NMNAT3: variants seen among roughly 807,000 people sequenced by gnomAD.
The protein encoded by NMNAT3 is nicotinamide/nicotinic acid mononucleotide adenylyltransferase 3.
In NMNAT3, 21 loss-of-function variants were observed where a neutral mutation model predicts 24.8. That is an observed-to-expected ratio of 0.85 (90% CI 0.60 to 1.22). NMNAT3 has a LOEUF of 1.22. NMNAT3 is among the 50% of genes most tolerant of loss of function. The pLI, the probability that NMNAT3 is intolerant of heterozygous loss-of-function variation, is 0.00. For synonymous variants in NMNAT3, 136 were observed against 155.2 expected, an observed-to-expected ratio of 0.88 and a Z score of 0.92; for missense variants, 387 against 436.6, an observed-to-expected ratio of 0.89 and a Z score of 1.01.
At chr3:139,596,607 A>G (rs1187723418) in intron 3 of NMNAT3, among the ~76,000 whole-genome samples, 2 of 152,010 alleles carry the variant, frequency 1.3e-5, no homozygotes, top group Admixed American at 6.6e-5. Context: ...TTACCTTTTG[A>G]TATCTCTGAA....
At chr3:139,670,304 T>A (rs1294564619) in intron 1 of NMNAT3, among the ~76,000 whole-genome samples, 2 of 152,316 alleles carry the variant, frequency 1.3e-5, no homozygotes, top group South Asian at 4.1e-4. Context: ...TCTCTATCTC[T>A]TTGTCTCAGC....
chr3:139,600,761 T>C (rs2054677440), intron 3 of NMNAT3, among the ~76,000 whole-genome samples: 1 of 152,192 alleles, frequency 6.6e-6, no homozygotes, highest in Non-Finnish European at 1.5e-5. Flanking sequence ...GTGGCACTGG[T>C]TGGCTGGCAG....
intron 2 of NMNAT3, among the ~76,000 whole-genome samples, chr3:139,631,187 A>C (rs1381061105): frequency 6.6e-6 from 1 of 152,130 alleles, no homozygotes; most frequent in Non-Finnish European, 1.5e-5. Context: ...TGTCTGGGCC[A>C]TATCGCAGGC....
intron 3 of NMNAT3, chr3:139,609,539 G>A (rs974373889): frequency 4.0e-5 from 6 of 150,196 alleles, no homozygotes; most frequent in Admixed American, 1.3e-4. Flanking sequence ...TATCCTCTTC[G>A]TGAAATGGTT....
intron 5 of NMNAT3, chr3:139,575,843 T>C: frequency 8.1e-7 from 1 of 1,227,904 alleles, no homozygotes; most frequent in Non-Finnish European, 1.0e-6. Context: ...CTGTGGGAGG[T>C]GTAAAGCCAG....
At chr3:139,677,271 C>G (rs899980354) in intron 1 of NMNAT3, among the ~76,000 whole-genome samples, 1 of 152,210 alleles carries the variant, frequency 6.6e-6, no homozygotes, top group South Asian at 2.1e-4. Flanking sequence ...GGTCTCCCCC[C>G]ACTGGACTGT....
chr3:139,636,850 C>T (rs959766347), intron 2 of NMNAT3: 1 of 152,230 alleles, frequency 6.6e-6, no homozygotes, highest in African/African-American at 2.4e-5. Flanking sequence ...TGATGTCCTA[C>T]TTATCAATAG....
At chr3:139,590,938 T>TA (rs1295333203) in intron 3 of NMNAT3, among the ~76,000 whole-genome samples, 2 of 152,112 alleles carry the variant, frequency 1.3e-5, no homozygotes, top group African/African-American at 2.4e-5. Flanking sequence ...TAAAAATATA[T>TA]AAAAAAAGAA....
At chr3:139,619,260 G>A (rs2055650888) in intron 3 of NMNAT3, among the ~76,000 whole-genome samples, 2 of 152,138 alleles carry the variant, frequency 1.3e-5, no homozygotes, top group South Asian at 2.1e-4. Flanking sequence ...GCAACCCAAT[G>A]TACAACACTA....
At chr3:139,639,224 A>G (rs1054195736) in intron 1 of NMNAT3, among the ~76,000 whole-genome samples, 1 of 152,188 alleles carries the variant, frequency 6.6e-6, no homozygotes, top group African/African-American at 2.4e-5. Context: ...CACTCCAAGC[A>G]TAGGGTCTTG....
intron 3 of NMNAT3, among the ~76,000 whole-genome samples, chr3:139,626,421 G>A (rs2108306898): frequency 6.6e-6 from 1 of 152,030 alleles, no homozygotes; most frequent in South Asian, 2.1e-4. Context: ...TCATCTAACA[G>A]GTTGTAGTAT....
At chr3:139,563,362 C>A (rs1936709156) in intron 6 of NMNAT3, among the ~76,000 whole-genome samples, 1 of 152,178 alleles carries the variant, frequency 6.6e-6, no homozygotes, top group Non-Finnish European at 1.5e-5. Flanking sequence ...GGGGGAGGTA[C>A]TATGATGTGC....
At chr3:139,631,104 T>G (rs1176702072) in intron 2 of NMNAT3, among the ~76,000 whole-genome samples, 1 of 152,164 alleles carries the variant, frequency 6.6e-6, no homozygotes, top group Non-Finnish European at 1.5e-5. Context: ...ATAAATGACC[T>G]TTAATAAGTG....
At chr3:139,599,334 A>G in intron 3 of NMNAT3, 1 of 702,372 alleles carries the variant, frequency 1.4e-6, no homozygotes, top group Non-Finnish European at 2.6e-6. Flanking sequence ...TTGCTGGGAG[A>G]AGCTTGGTGT....
chr3:139,644,785 C>G (rs542276154), intron 1 of NMNAT3, among the ~76,000 whole-genome samples: 1 of 152,228 alleles, frequency 6.6e-6, no homozygotes, highest in South Asian at 2.1e-4. Context: ...TGAACACATA[C>G]GTGGTCATAA....
At chr3:139,571,935 G>T (rs1938435189) in intron 6 of NMNAT3, among the ~76,000 whole-genome samples, 1 of 152,204 alleles carries the variant, frequency 6.6e-6, no homozygotes, top group African/African-American at 2.4e-5. Context: ...GCTCCAGTCT[G>T]CCCTAGTGGC....
rs571731308 is a variant in NMNAT3 at position 139,587,442 on chromosome 3, C to A, written c.110-4234G>T. On this transcript the variant is annotated intron_variant, in intron 3 of 6. Coordinates refer to ENST00000643695, the MANE Select transcript of NMNAT3 (RefSeq NM_001320510.2). The stretch of plus-strand genomic sequence containing the variant: ...TAGTGGAGCGAGAGTGGATAGATGC[C>A]AGTGCCTAAGATTAAGGACAGATCC... Among the ~76,000 whole-genome samples the A allele has an allele frequency of 1.2e-4, 18 of 152,220 alleles. No homozygotes were observed. The East Asian group carries it at 3.1e-3, about 26-fold the overall frequency.
At chr3:139,637,336 A>G (rs1055877426) in intron 2 of NMNAT3, 8 of 152,276 alleles carry the variant, frequency 5.3e-5, no homozygotes, top group Non-Finnish European at 1.2e-4. Context: ...TAGCAATAGT[A>G]GAGAAAAAGA....
intron 3 of NMNAT3, among the ~76,000 whole-genome samples, chr3:139,623,579 A>T (rs1433626157): frequency 6.6e-6 from 1 of 152,172 alleles, no homozygotes; most frequent in African/African-American, 2.4e-5. Flanking sequence ...GCTAGACTTA[A>T]TTGGTCGATT....
Sources: gnomAD v4.1 joint callset for allele counts (sites outside exome capture counted in the v4.1 genomes callset) on GRCh38, gnomAD v4.1.1 for gene constraint, MANE v1.5 for transcripts, NCBI Gene and HGNC (gene_info 2026-07-23, HGNC 2026-07-21) for gene names.